Variants in RFX4 observed in about 807,000 individuals in gnomAD.
The protein encoded by RFX4 is transcription factor RFX4.
A neutral mutation model predicts 95.0 loss-of-function variants in RFX4; 10 were observed. The ratio of observed to expected loss-of-function variants is 0.11; its 90% CI spans 0.06 to 0.18. The LOEUF (loss-of-function observed/expected upper bound fraction) is 0.18, where lower values mean the gene tolerates loss of function less well. Among genes scored for constraint, RFX4 ranks in the 10% least tolerant of loss-of-function variants. RFX4 has a pLI of 1.00. For missense variants in RFX4, 640 were observed against 922.0 expected (o/e 0.69, Z 3.96); for synonymous variants, 321 against 340.7 (o/e 0.94, Z 0.64).
intron 3 of RFX4, among the ~76,000 whole-genome samples, chr12:106,641,168 C>T (rs2040615332): frequency 6.6e-6 from 1 of 152,282 alleles, no homozygotes; most frequent in Non-Finnish European, 1.5e-5. Context: ...TCACTTTGTT[C>T]ACATCTATTT....
intron 1 of RFX4, among the ~76,000 whole-genome samples, chr12:106,591,130 C>CTTCT (rs772100164): frequency 5.8e-4 from 88 of 152,042 alleles, no homozygotes; most frequent in Admixed American, 9.8e-4. Flanking sequence ...ACAATCTCTT[C>CTTCT]TTCTTTCTTT....
chr12:106,599,841 C>A (rs1648260461), intron 1 of RFX4, among the ~76,000 whole-genome samples: 1 of 151,998 alleles, frequency 6.6e-6, no homozygotes, highest in African/African-American at 2.4e-5. Flanking sequence ...GTGATCCTGG[C>A]AAAATTATTA....
intron 11 of RFX4, among the ~76,000 whole-genome samples, chr12:106,716,478 C>A (rs2042294042): frequency 6.6e-6 from 1 of 152,046 alleles, no homozygotes; most frequent in South Asian, 2.1e-4. Context: ...TATTCAGCTA[C>A]CCAGTCTAAA....
At chr12:106,602,723 C>T (rs2039737867) in intron 1 of RFX4, among the ~76,000 whole-genome samples, 1 of 152,188 alleles carries the variant, frequency 6.6e-6, no homozygotes, top group Admixed American at 6.5e-5. Context: ...AACTCAGTGT[C>T]TGCTCATAGG....
intron 7 of RFX4, among the ~76,000 whole-genome samples, chr12:106,690,591 T>C (rs1262185895): frequency 6.6e-6 from 1 of 152,086 alleles, no homozygotes; most frequent in African/African-American, 2.4e-5. Flanking sequence ...TGGGGGGTGA[T>C]TCAGGGACTC....
intron 13 of RFX4, among the ~76,000 whole-genome samples, chr12:106,725,128 A>AT (rs1295269659): frequency 6.6e-6 from 1 of 152,014 alleles, no homozygotes; most frequent in African/African-American, 2.4e-5. Context: ...TAAGACAACC[A>AT]TTTTATTATG....
chr12:106,655,866 C>A (rs534058775), intron 4 of RFX4, among the ~76,000 whole-genome samples: 1 of 152,260 alleles, frequency 6.6e-6, no homozygotes, highest in South Asian at 2.1e-4. Flanking sequence ...CTACCATGTG[C>A]GATTACAACT....
At chr12:106,701,512 C>A (rs2041990720) in intron 8 of RFX4, among the ~76,000 whole-genome samples, 2 of 152,030 alleles carry the variant, frequency 1.3e-5, no homozygotes, top group South Asian at 4.1e-4. Flanking sequence ...TATGTTAGGC[C>A]ATTTGATACT....
intron 13 of RFX4, among the ~76,000 whole-genome samples, chr12:106,724,396 A>G (rs1316036493): frequency 6.6e-6 from 1 of 152,214 alleles, no homozygotes; most frequent in African/African-American, 2.4e-5. Flanking sequence ...TGATTATCAC[A>G]ATTAAGGCAA....
chr12:106,634,791 T>A (rs934206988), intron 2 of RFX4, among the ~76,000 whole-genome samples: 2 of 152,206 alleles, frequency 1.3e-5, no homozygotes, highest in African/African-American at 4.8e-5. Context: ...CACCTATCAC[T>A]TCTTCCAGGG....
At chr12:106,677,571 G>A (rs1369535771) in intron 4 of RFX4, among the ~76,000 whole-genome samples, 2 of 152,110 alleles carry the variant, frequency 1.3e-5, no homozygotes, top group Non-Finnish European at 2.9e-5. Context: ...GAGGCCGGGT[G>A]TGGTGCATGT....
At chr12:106,614,428 G>T (rs2040026743) in intron 2 of RFX4, among the ~76,000 whole-genome samples, 1 of 151,570 alleles carries the variant, frequency 6.6e-6, no homozygotes, top group Non-Finnish European at 1.5e-5. Context: ...CAAAGTGCTG[G>T]GATTACAGGC....
chr12:106,585,782 CG>C (rs2039446024), intron 1 of RFX4: 1 of 152,288 alleles, frequency 6.6e-6, no homozygotes, highest in East Asian at 1.9e-4. Context: ...AGTGCTGGGG[CG>C]AAGTAGGAAA....
At chr12:106,607,073 A>G (rs751590523) in intron 1 of RFX4, among the ~76,000 whole-genome samples, 2 of 152,138 alleles carry the variant, frequency 1.3e-5, no homozygotes, top group Admixed American at 6.5e-5. Flanking sequence ...GGCATGTTCA[A>G]ATAGGTGTTC....
At chr12:106,668,706 A>T (rs2041224231) in intron 4 of RFX4, among the ~76,000 whole-genome samples, 1 of 152,246 alleles carries the variant, frequency 6.6e-6, no homozygotes, top group South Asian at 2.1e-4. Flanking sequence ...GGTGTTTCAC[A>T]CATCCATGCA....
chr12:106,756,128 G>C (rs182258831), intron 17 of RFX4, among the ~76,000 whole-genome samples: 1 of 152,326 alleles, frequency 6.6e-6, no homozygotes, highest in African/African-American at 2.4e-5. Flanking sequence ...GAGTCCAGAT[G>C]AATGAGGTTT....
chr12:106,622,762 A>T (rs1018114591), intron 2 of RFX4, among the ~76,000 whole-genome samples: 4 of 151,940 alleles, frequency 2.6e-5, no homozygotes, highest in African/African-American at 4.8e-5. Flanking sequence ...CTTGGACTAC[A>T]GGCACGTGCC....
At chr12:106,731,620 G>A (rs1592992795) in intron 13 of RFX4, among the ~76,000 whole-genome samples, 1 of 152,212 alleles carries the variant, frequency 6.6e-6, no homozygotes, top group East Asian at 1.9e-4. Context: ...ACTTGTTGCA[G>A]ATTTAAATTT....
chr12:106,758,739 TG>T lies in RFX4; in HGVS notation c.1936-2455del. Among the ~76,000 whole-genome samples, 4 of 152,318 alleles carry T rather than the reference TG, an allele frequency of 2.6e-5. No individual in the cohort carries two copies. The South Asian group carries it at 8.3e-4, about 32-fold the overall frequency. On this transcript the variant is annotated intron_variant, in intron 17 of 17. Transcript: ENST00000392842. Reference sequence around the variant, plus strand: ...CAAAAAGGGAGTGCTCTCCTGCTCCTGGGTAACTTGGCAGTGGCAGGTCAGC... The same window carrying T: ...CAAAAAGGGAGTGCTCTCCTGCTCCTGGTAACTTGGCAGTGGCAGGTCAGC...
Sources: gnomAD v4.1 joint callset for allele counts (sites outside exome capture counted in the v4.1 genomes callset) on GRCh38, gnomAD v4.1.1 for gene constraint, MANE v1.5 for transcripts, NCBI Gene and HGNC (gene_info 2026-07-23, HGNC 2026-07-21) for gene names.